The following CNKSR2 variants were observed in gnomAD, a reference collection of about 807,000 sequenced individuals.
The protein encoded by CNKSR2 is connector enhancer of kinase suppressor of Ras 2.
In CNKSR2, 14 loss-of-function variants were observed where a neutral mutation model predicts 84.4. The ratio of observed to expected loss-of-function variants is 0.17; its 90% CI spans 0.11 to 0.26. The LOEUF is 0.26. CNKSR2 is among the 10% of genes least tolerant of loss of function. The pLI, the probability that CNKSR2 is intolerant of heterozygous loss-of-function variation, is 1.00. For synonymous variants in CNKSR2, 275 were observed against 277.9 expected (o/e 0.99, Z 0.10); for missense variants, 485 against 771.2 (o/e 0.63, Z 4.40).
chrX:21,612,695 T>G (rs2092556595), intron 20 of CNKSR2, among the ~76,000 whole-genome samples: 2 of 112,059 alleles, frequency 1.8e-5, no homozygotes, highest in Non-Finnish European at 3.8e-5. Flanking sequence ...ACAATATATG[T>G]TATATAGTGC....
At chrX:21,575,733 G>A (rs182921819) in intron 13 of CNKSR2, among the ~76,000 whole-genome samples, 12 of 111,425 alleles carry the variant, frequency 1.1e-4, no homozygotes, top group Admixed American at 2.9e-4. Context: ...AATAGGCACC[G>A]ACAAAATACA....
At chrX:21,474,270 C>A (rs191584075) in intron 5 of CNKSR2, among the ~76,000 whole-genome samples, 49 of 111,267 alleles carry the variant, frequency 4.4e-4, no homozygotes, top group African/African-American at 1.4e-3. Flanking sequence ...AGCCTGGGTT[C>A]TTTCTGGAAA....
chrX:21,443,538 T>C (rs1269098079), intron 4 of CNKSR2, among the ~76,000 whole-genome samples: 2 of 111,798 alleles, frequency 1.8e-5, no homozygotes, highest in Non-Finnish European at 3.8e-5. Flanking sequence ...TATGGGTCTG[T>C]TCATTTCTAA....
Position 21,601,336 on chromosome X carries a change from T to C in CNKSR2, c.2031T>C (p.Ile677=), listed in dbSNP as rs1300709216. ...LTAGYAERER[I]KQEQDYWSES... ...CAGGATATGCAGAAAGAGAGAGGAT[T>C]AAGCAGGAACAAGGTAAAGGAATAC... Residue 677 remains isoleucine, a synonymous_variant, in exon 18 of 22, where the codon ATT becomes ATC. Coordinates refer to ENST00000379510, the MANE Select transcript of CNKSR2 (RefSeq NM_014927.5). 8.7e-7 allele frequency: 1 copy of C among 1,148,924 alleles called. No homozygotes were observed. The highest frequency in any genetic ancestry group is 2.3e-5 in the Admixed American group (1 of 44,413). The allele number at this position is 1,148,924 out of a possible 1,213,427, so 94.7% of individuals were successfully genotyped here.
intron 20 of CNKSR2, among the ~76,000 whole-genome samples, chrX:21,614,525 A>C (rs958595884): frequency 1.8e-5 from 2 of 111,469 alleles, no homozygotes; most frequent in Non-Finnish European, 3.8e-5. Context: ...AACCTTAACT[A>C]TATCACTTTT....
chrX:21,492,144 C>A (rs2091448544), intron 6 of CNKSR2: 1 of 111,104 alleles, frequency 9.0e-6, no homozygotes, highest in African/African-American at 3.3e-5. Flanking sequence ...GACTTTTTTT[C>A]TCTAATTTCC....
At chrX:21,571,972 A>G (rs1329888602) in intron 13 of CNKSR2, among the ~76,000 whole-genome samples, 2 of 112,247 alleles carry the variant, frequency 1.8e-5, no homozygotes, top group African/African-American at 6.5e-5. Context: ...CCCAGAAGAC[A>G]GCTGTATTAC....
At chrX:21,623,871 T>C (rs940085975) in intron 20 of CNKSR2, among the ~76,000 whole-genome samples, 1 of 111,888 alleles carries the variant, frequency 8.9e-6, no homozygotes, top group South Asian at 3.7e-4. Context: ...ATTGAATAAC[T>C]TTTTTACAAT....
intron 11 of CNKSR2, among the ~76,000 whole-genome samples, chrX:21,556,665 G>T (rs1455167026): frequency 1.8e-5 from 2 of 110,509 alleles, no homozygotes; most frequent in African/African-American, 3.3e-5. Flanking sequence ...GCAACATGGA[G>T]GCCCTAAAAA....
At chrX:21,558,742 G>A (rs913829538) in intron 11 of CNKSR2, among the ~76,000 whole-genome samples, 5 of 111,160 alleles carry the variant, frequency 4.5e-5, no homozygotes, top group African/African-American at 6.5e-5. Flanking sequence ...TGTGTGTGAA[G>A]TATGTTTCTT....
intron 8 of CNKSR2, 93 bp from the exon 9 acceptor site, chrX:21,516,392 C>CTT: frequency 7.2e-6 from 6 of 834,677 alleles, no homozygotes; most frequent in Middle Eastern, 4.2e-4. Flanking sequence ...AATTATGTGA[C>CTT]TTTTTTTTTT....
chrX:21,398,680 G>A (rs1416298321), intron 1 of CNKSR2, among the ~76,000 whole-genome samples: 1 of 111,879 alleles, frequency 8.9e-6, no homozygotes, highest in African/African-American at 3.3e-5. Flanking sequence ...GGCTCTTCAT[G>A]TTCCATGGAA....
At chrX:21,468,495 G>A (rs948154069) in intron 4 of CNKSR2, 2 of 110,926 alleles carry the variant, frequency 1.8e-5, no homozygotes. Context: ...CTCCTGTGTA[G>A]TGGTAGTCTT....
chrX:21,380,877 A>G (rs1483895760), intron 1 of CNKSR2, among the ~76,000 whole-genome samples: 1 of 112,333 alleles, frequency 8.9e-6, no homozygotes, highest in Non-Finnish European at 1.9e-5. Context: ...CATCTGTACT[A>G]ATTTTAAAAA....
chrX:21,644,688 C>CT (rs1318210771), intron 20 of CNKSR2: 1 of 111,516 alleles, frequency 9.0e-6, no homozygotes, highest in African/African-American at 3.3e-5. Flanking sequence ...AAGTCACAGT[C>CT]TAAGTCTCTG....
At chrX:21,530,690 C>T (rs1337885262) in intron 10 of CNKSR2, among the ~76,000 whole-genome samples, 1 of 110,719 alleles carries the variant, frequency 9.0e-6, no homozygotes, top group Non-Finnish European at 1.9e-5. Context: ...AACTAATGGT[C>T]CACAAGGGGG....
intron 8 of CNKSR2, among the ~76,000 whole-genome samples, chrX:21,514,133 T>A: frequency 8.9e-6 from 1 of 111,841 alleles, no homozygotes; most frequent in East Asian, 2.8e-4. Context: ...TTCACACAAT[T>A]TTTATATCCC....
Position 21,483,773 on chromosome X carries a change from A to G in CNKSR2, c.562-6686A>G, listed in dbSNP as rs147357644. 6.3e-4 allele frequency among the ~76,000 whole-genome samples: 69 copies of G among 109,713 alleles called. 1 individual carries two copies. The East Asian group carries it at 0.017, about 27-fold the overall frequency. ...ACCATCATAAGAGTGCAAAATTTCT[A>G]GCTCAACAGAAATCTGTCAAGTACT... On this transcript the variant is annotated intron_variant, in intron 5 of 21. Coordinates refer to ENST00000379510, the MANE Select transcript of CNKSR2 (RefSeq NM_014927.5).
At chrX:21,393,154 T>G in intron 1 of CNKSR2, among the ~76,000 whole-genome samples, 1 of 112,550 alleles carries the variant, frequency 8.9e-6, no homozygotes, top group East Asian at 2.8e-4. Context: ...GAAGTTCTGT[T>G]GACATTGTTG....
Sources: allele counts gnomAD v4.1 joint callset (sites outside exome capture counted in the v4.1 genomes callset), GRCh38; gene constraint gnomAD v4.1.1; transcripts MANE v1.5; gene names NCBI Gene and HGNC (gene_info 2026-07-23, HGNC 2026-07-21).